BID: variants seen among roughly 807,000 people sequenced by gnomAD.
The protein encoded by BID is BH3 interacting domain death agonist, also known as BH3-interacting domain death agonist.
A neutral mutation model predicts 17.4 loss-of-function variants in BID; 19 were observed. That is an observed-to-expected ratio of 1.09 (90% CI 0.76 to 1.60). The LOEUF (loss-of-function observed/expected upper bound fraction) is 1.60, where lower values mean the gene tolerates loss of function less well. BID is among the 40% of genes most tolerant of loss of function. The pLI, the probability that BID is intolerant of heterozygous loss-of-function variation, is 0.00. For missense variants in BID, 226 were observed against 256.0 expected (o/e 0.88, Z 0.80); for synonymous variants, 108 against 102.8 (o/e 1.05, Z -0.31).
At chr22:17,759,429 G>C (rs571732246) in intron 1 of BID, among the ~76,000 whole-genome samples, 2 of 151,536 alleles carry the variant, frequency 1.3e-5, no homozygotes, top group Admixed American at 1.3e-4. Flanking sequence ...GCGTGCACCT[G>C]TAATCCCAGC....
intron 1 of BID, among the ~76,000 whole-genome samples, chr22:17,756,688 G>A (rs1329935621): frequency 1.3e-5 from 2 of 151,306 alleles, no homozygotes; most frequent in African/African-American, 4.9e-5. Context: ...TGATTCTCCT[G>A]CTTCAGCCCC....
chr22:17,743,730 C>T (rs2061476326), intron 3 of BID, 73 bp downstream of exon 3: 1 of 1,484,444 alleles, frequency 6.7e-7, no homozygotes, highest in Non-Finnish European at 9.1e-7. Flanking sequence ...CCCTTCCAGC[C>T]CTGAGGCTCC....
At position 17,743,834 on chromosome 22, in the gene BID, G is replaced by C; in HGVS notation, c.192C>G (p.Ser64Arg). ...YDELQTDGNR[S>R]SHSRLGRIEA... is the part of the protein sequence containing the mutation. ...CTATTCTTCCCAAGCGGGAGTGGCT[G>C]CTGCGGTTGCCATCAGTCTGCAGCT... is the stretch of plus-strand genomic sequence containing the variant. Residue 64 changes from serine (S) to arginine (R), a missense_variant, in exon 3 of 6, where the codon AGC (serine) becomes AGG (arginine). By Grantham distance (110) the Ser-to-Arg change is moderately radical. Coordinates refer to ENST00000622694, the MANE Select transcript of BID (RefSeq NM_001196.4). 1 of 1,612,140 alleles carries C rather than the reference G, an allele frequency of 6.2e-7. No homozygotes were observed. Among genetic ancestry groups the C allele is most frequent in the Non-Finnish European group, 8.5e-7 (1 of 1,179,632 alleles).
chr22:17,760,211 T>C (rs933106163), intron 1 of BID, among the ~76,000 whole-genome samples: 3 of 150,514 alleles, frequency 2.0e-5, no homozygotes, highest in African/African-American at 7.3e-5. Flanking sequence ...TTTGGGAGGC[T>C]GATGAGGGCA....
At chr22:17,751,146 G>T (rs940042376) in intron 1 of BID, among the ~76,000 whole-genome samples, 1 of 152,086 alleles carries the variant, frequency 6.6e-6, no homozygotes, top group African/African-American at 2.4e-5. Flanking sequence ...GCCGAGGCGG[G>T]TGGATCATGA....
intron 5 of BID, among the ~76,000 whole-genome samples, chr22:17,737,356 C>CTTTTTT (rs959782283): frequency 6.6e-6 from 1 of 151,712 alleles, no homozygotes; most frequent in Non-Finnish European, 1.5e-5. Flanking sequence ...CACATTACAC[C>CTTTTTT]TTTTTTTTGA....
At chr22:17,743,244 CTCAA>C (rs1308258629) in intron 3 of BID, among the ~76,000 whole-genome samples, 1 of 152,230 alleles carries the variant, frequency 6.6e-6, no homozygotes, top group East Asian at 1.9e-4. Context: ...ACCAGTGGGC[CTCAA>C]TCAATGGGAC....
Position 17,743,516 on chromosome 22 carries a change from A to T in BID, c.223+287T>A, listed in dbSNP as rs8190318. On this transcript the variant is annotated intron_variant, in intron 3 of 5. Coordinates refer to ENST00000622694, the MANE Select transcript of BID (RefSeq NM_001196.4). ...GAAAATTGGATAAAAACACCATTCT[A>T]TGTTGGTCCAGACAAGGGACTCAAG... is the stretch of plus-strand genomic sequence containing the variant. 1.8e-3 allele frequency among the ~76,000 whole-genome samples: 267 copies of T among 152,352 alleles called. 1 individual carries two copies. The highest frequency in any genetic ancestry group is 6.1e-3 in the African/African-American group (253 of 41,574).
In BID at chr22:17,746,100, C is replaced by A. The variant is rs186576886; in HGVS notation, c.13-2087G>T. ...ACGGATGGAGCTAGAGGCCATTACC[C>A]TAAGTGAACTAACTCAGAAACAGAA... On this transcript the variant is annotated intron_variant, in intron 2 of 5. Coordinates refer to ENST00000622694, the MANE Select transcript of BID (RefSeq NM_001196.4). Among the ~76,000 whole-genome samples, 611 of 152,216 alleles carry A rather than the reference C, an allele frequency of 4.0e-3. 2 individuals carry two copies. Among genetic ancestry groups the A allele is most frequent in the South Asian group, 0.017 (80 of 4,828 alleles).
Position 17,750,140 on chromosome 22 carries a change from G to T in BID, c.-24C>A, listed in dbSNP as rs372778453. 85 of 1,613,276 alleles carry T rather than the reference G, an allele frequency of 5.3e-5. No homozygotes were observed. In the Admixed American group the frequency reaches 8.2e-4, roughly 16 times the overall value. On this transcript the variant is annotated 5_prime_UTR_variant, in exon 2 of 6. Coordinates refer to ENST00000622694, the MANE Select transcript of BID (RefSeq NM_001196.4). ...ATGGCCTGGGCAGCGCGGCAGCTCC[G>T]ACTCACTCCTGGTTCACAGTGTCCC...
At chr22:17,740,160 G>T (rs777323089) in intron 3 of BID, 1 of 1,612,070 alleles carries the variant, frequency 6.2e-7, no homozygotes, top group Non-Finnish European at 8.5e-7. Context: ...CACTTGCTGT[G>T]TTATTGTCTG....
Position 17,734,276 on chromosome 22 carries a change from A to G in BID, c.*1304T>C, listed in dbSNP as rs1381220735. 3.9e-5 allele frequency: 6 copies of G among 152,072 alleles called. No individual in the cohort carries two copies. Among genetic ancestry groups the G allele is most frequent in the African/African-American group, 7.2e-5 (3 of 41,454 alleles). 9.4% of individuals were successfully genotyped at this position (152,072 alleles called of 1,614,324 possible). On this transcript the variant is annotated 3_prime_UTR_variant, in exon 6 of 6. Coordinates refer to ENST00000622694, the MANE Select transcript of BID (RefSeq NM_001196.4). ...GTATGTATTGCATGCTGAACAATATAGAGTTTGTTTTTCCTTTCTGATGAT... is the reference window on the plus strand; with the variant it reads ...GTATGTATTGCATGCTGAACAATATGGAGTTTGTTTTTCCTTTCTGATGAT...
chr22:17,740,347 G>A, intron 3 of BID: 1 of 636,364 alleles, frequency 1.6e-6, no homozygotes. Flanking sequence ...GCTGAGGACA[G>A]AAGATTGCTT....
chr22:17,748,640 C>A (rs547831224), intron 2 of BID, among the ~76,000 whole-genome samples: 34 of 152,302 alleles, frequency 2.2e-4, no homozygotes, highest in African/African-American at 7.7e-4. Context: ...TGGCCCTGGG[C>A]GGGCTGCCGT....
At chr22:17,740,362 C>T (rs935274441) in intron 3 of BID, 7 of 609,246 alleles carry the variant, frequency 1.1e-5, no homozygotes, top group Admixed American at 7.3e-5. Context: ...TTGCTTAAGG[C>T]CAGGAGTTAG....
At chr22:17,756,663 C>T (rs1287755760) in intron 1 of BID, among the ~76,000 whole-genome samples, 1 of 151,646 alleles carries the variant, frequency 6.6e-6, no homozygotes, top group African/African-American at 2.4e-5. Context: ...GCAACCTCCA[C>T]CTCCTGGGTT....
chr22:17,770,031 G>A (rs2061707998), intron 1 of BID, among the ~76,000 whole-genome samples: 1 of 152,102 alleles, frequency 6.6e-6, no homozygotes, highest in Non-Finnish European at 1.5e-5. Flanking sequence ...GGCCCTTCGT[G>A]CCACTGGCCC....
chr22:17,737,323 T>A (rs2061427301), intron 5 of BID, among the ~76,000 whole-genome samples: 1 of 152,110 alleles, frequency 6.6e-6, no homozygotes, highest in South Asian at 2.1e-4. Context: ...GTTCCCCCCC[T>A]TTTTTGACTA....
In BID at chr22:17,750,404, T is replaced by C. The variant is rs115141803; in HGVS notation, c.-58-230A>G. 3.9e-3 allele frequency among the ~76,000 whole-genome samples: 600 copies of C among 152,340 alleles called. 3 individuals are homozygous for C. The highest frequency in any genetic ancestry group is 0.014 in the African/African-American group (579 of 41,582). On this transcript the variant is annotated intron_variant, in intron 1 of 5. Coordinates refer to ENST00000622694, the MANE Select transcript of BID (RefSeq NM_001196.4). ...CCCTGGGGCCGACCCCGCACCTGAA[T>C]TCAGCCCTCCCATGCCGCCCCAGGA...
Sources: gnomAD v4.1 joint callset for allele counts (sites outside exome capture counted in the v4.1 genomes callset) on GRCh38, gnomAD v4.1.1 for gene constraint, MANE v1.5 for transcripts, NCBI Gene and HGNC (gene_info 2026-07-23, HGNC 2026-07-21) for gene names.